The following MARCHF3 variants were observed in gnomAD, a reference collection of about 807,000 sequenced individuals.
The protein encoded by MARCHF3 is membrane associated ring-CH-type finger 3.
In MARCHF3, 13 loss-of-function variants were observed where a neutral mutation model predicts 24.2. The ratio of observed to expected loss-of-function variants is 0.54; its 90% CI spans 0.35 to 0.85. The LOEUF is 0.85. Ranked by LOEUF, MARCHF3 falls within the 40% of genes least tolerant of loss-of-function variation. The pLI is 0.01. For missense variants in MARCHF3, 276 were observed against 325.0 expected (o/e 0.85, Z 1.16); for synonymous variants, 144 against 137.3 (o/e 1.05, Z -0.34).
intron 1 of MARCHF3, among the ~76,000 whole-genome samples, chr5:126,918,743 G>C (rs1748997110): frequency 6.6e-6 from 1 of 152,230 alleles, no homozygotes; most frequent in Admixed American, 6.5e-5. Context: ...TTAATAGTAT[G>C]TTCTAGGACA....
intron 1 of MARCHF3, among the ~76,000 whole-genome samples, chr5:126,943,097 C>G (rs1749886960): frequency 6.6e-6 from 1 of 152,064 alleles, no homozygotes; most frequent in South Asian, 2.1e-4. Flanking sequence ...ACAATTCTGG[C>G]CAACACAGTG....
chr5:126,916,675 TGACAGACA>T (rs1336046227), intron 2 of MARCHF3, among the ~76,000 whole-genome samples: 76 of 112,300 alleles, frequency 6.8e-4, no homozygotes, highest in African/African-American at 2.3e-3. Context: ...TAAAAATACC[TGACAGACA>T]GACAGACAGA....
intron 1 of MARCHF3, among the ~76,000 whole-genome samples, chr5:126,964,260 T>G (rs1195518121): frequency 6.6e-6 from 1 of 152,236 alleles, no homozygotes; most frequent in Non-Finnish European, 1.5e-5. Context: ...TTTGCCTCAA[T>G]AGGATGTTCA....
chr5:126,958,377 T>A (rs1390307246), intron 1 of MARCHF3, among the ~76,000 whole-genome samples: 1 of 152,190 alleles, frequency 6.6e-6, no homozygotes, highest in African/African-American at 2.4e-5. Context: ...TATATTAAGA[T>A]GTATATTAGT....
At chr5:126,872,409 G>A (rs951996828) in intron 4 of MARCHF3, among the ~76,000 whole-genome samples, 1 of 152,164 alleles carries the variant, frequency 6.6e-6, no homozygotes, top group Non-Finnish European at 1.5e-5. Flanking sequence ...GCTTAAACCT[G>A]TAGTCTGTTT....
chr5:126,914,846 G>A, intron 3 of MARCHF3, 84 bp downstream of exon 3: 1 of 1,372,890 alleles, frequency 7.3e-7, no homozygotes, highest in Non-Finnish European at 1.0e-6. Context: ...CAGTAAAGCT[G>A]TACAGGGCTT....
intron 1 of MARCHF3, among the ~76,000 whole-genome samples, chr5:126,921,835 G>A (rs898058224): frequency 2.0e-4 from 30 of 152,184 alleles, no homozygotes; most frequent in African/African-American, 7.2e-4. Flanking sequence ...ATTTGGCACT[G>A]GCCAAACTCA....
intron 3 of MARCHF3, among the ~76,000 whole-genome samples, chr5:126,900,335 C>A (rs1468817332): frequency 2.6e-5 from 4 of 152,068 alleles, no homozygotes; most frequent in Non-Finnish European, 5.9e-5. Flanking sequence ...GAAATCCTAA[C>A]CCTCAAGGTG....
intron 3 of MARCHF3, among the ~76,000 whole-genome samples, chr5:126,892,769 G>A (rs959596996): frequency 3.4e-5 from 5 of 146,054 alleles, no homozygotes; most frequent in Non-Finnish European, 5.9e-5. Flanking sequence ...TTATGTCTCT[G>A]CCTGGCTTTC....
At chr5:126,945,816 G>T (rs538956862) in intron 1 of MARCHF3, among the ~76,000 whole-genome samples, 1 of 152,236 alleles carries the variant, frequency 6.6e-6, no homozygotes, top group South Asian at 2.1e-4. Context: ...AACAATTATG[G>T]TATTCACATC....
chr5:126,959,127 G>A (rs76871652), intron 1 of MARCHF3, among the ~76,000 whole-genome samples: 1 of 152,044 alleles, frequency 6.6e-6, no homozygotes, highest in South Asian at 2.1e-4. Flanking sequence ...AAAGGCTATA[G>A]TATGGAAAGG....
At chr5:127,016,258 A>C (rs1580491772) in intron 1 of MARCHF3, among the ~76,000 whole-genome samples, 2 of 152,202 alleles carry the variant, frequency 1.3e-5, no homozygotes, top group East Asian at 1.9e-4. Context: ...TACTGTTATG[A>C]GTTCAAATGA....
chr5:126,977,744 A>G (rs1247225803), intron 1 of MARCHF3, among the ~76,000 whole-genome samples: 1 of 152,250 alleles, frequency 6.6e-6, no homozygotes, highest in East Asian at 1.9e-4. Flanking sequence ...AGGTAAGTGT[A>G]CAGGAATGGC....
At chr5:127,000,996 T>C (rs1363957246) in intron 1 of MARCHF3, among the ~76,000 whole-genome samples, 1 of 152,028 alleles carries the variant, frequency 6.6e-6, no homozygotes, top group African/African-American at 2.4e-5. Context: ...CCCCAGCACT[T>C]TGGGAGGCCG....
At chr5:126,968,579 GTTA>G (rs1463347517) in intron 1 of MARCHF3, among the ~76,000 whole-genome samples, 1 of 152,088 alleles carries the variant, frequency 6.6e-6, no homozygotes, top group Non-Finnish European at 1.5e-5. Context: ...TTTCAATTGG[GTTA>G]TTATTATTTT....
At chr5:126,929,072 G>C (rs1190522525) in intron 1 of MARCHF3, among the ~76,000 whole-genome samples, 1 of 152,136 alleles carries the variant, frequency 6.6e-6, no homozygotes, top group Non-Finnish European at 1.5e-5. Flanking sequence ...CATCATATTT[G>C]GATGTTATTC....
intron 1 of MARCHF3, among the ~76,000 whole-genome samples, chr5:127,023,523 G>C (rs1252090317): frequency 1.3e-5 from 2 of 152,102 alleles, no homozygotes; most frequent in African/African-American, 4.8e-5. Context: ...TTGAGGTCAG[G>C]AGTTCAAGAC....
At chr5:126,947,886 G>T (rs1307709411) in intron 1 of MARCHF3, among the ~76,000 whole-genome samples, 1 of 151,824 alleles carries the variant, frequency 6.6e-6, no homozygotes, top group Admixed American at 6.6e-5. Context: ...TTTGGGAGGG[G>T]TGGGGGGGCA....
chr5:126,925,142 G>A (rs960672605), intron 1 of MARCHF3, among the ~76,000 whole-genome samples: 1 of 152,186 alleles, frequency 6.6e-6, no homozygotes, highest in African/African-American at 2.4e-5. Context: ...CAGGTGAAAT[G>A]CCTGTTTCTG....
Sources: gnomAD v4.1 joint callset for allele counts (sites outside exome capture counted in the v4.1 genomes callset) on GRCh38, gnomAD v4.1.1 for gene constraint, MANE v1.5 for transcripts, NCBI Gene and HGNC (gene_info 2026-07-23, HGNC 2026-07-21) for gene names.